MEGF6: variants seen among roughly 807,000 people sequenced by gnomAD.
MEGF6 encodes multiple epidermal growth factor-like domains protein 6.
A neutral mutation model predicts 207.1 loss-of-function variants in MEGF6; 184 were observed. That is an observed-to-expected ratio of 0.89 (90% CI 0.79 to 1.00). The LOEUF (loss-of-function observed/expected upper bound fraction) is 1.00, where lower values mean the gene tolerates loss of function less well. MEGF6 is among the 50% of genes least tolerant of loss of function. MEGF6 has a pLI of 0.00. For synonymous variants in MEGF6, 1,038 were observed against 910.0 expected, an observed-to-expected ratio of 1.14 and a Z score of -2.53; for missense variants, 2,282 against 2,202.9, an observed-to-expected ratio of 1.04 and a Z score of -0.72.
chr1:3,554,573 C>T (rs2101608752), intron 4 of MEGF6, among the ~76,000 whole-genome samples: 1 of 152,306 alleles, frequency 6.6e-6, no homozygotes, highest in African/African-American at 2.4e-5. Flanking sequence ...ACAACAGAAG[C>T]CTCTCTTAAA....
At chr1:3,551,005 C>T (rs577788390) in intron 4 of MEGF6, among the ~76,000 whole-genome samples, 4 of 152,202 alleles carry the variant, frequency 2.6e-5, no homozygotes, top group Non-Finnish European at 2.9e-5. Flanking sequence ...CTTGGGGCCT[C>T]GGAGTGTGAG....
Position 3,556,483 on chromosome 1 carries a change from C to T in MEGF6, c.481+23342G>A, listed in dbSNP as rs1419555339. On this transcript the variant is annotated intron_variant, in intron 4 of 36. Transcript: ENST00000356575. This position sits in a 1 kb window ranked among gnomAD's most constrained non-coding sequence, Gnocchi z 4.4. ...GGAGAAACCTCGGCAAAGCAAGAGA[C>T]GCCCTGGGCCTCCTCTCGGCCGCCC... 2.0e-5 allele frequency among the ~76,000 whole-genome samples: 3 copies of T among 152,178 alleles called. No homozygotes were observed. The highest frequency in any genetic ancestry group is 2.9e-5 in the Non-Finnish European group (2 of 68,046).
chr1:3,565,104 C>T lies in MEGF6; in HGVS notation c.481+14721G>A, dbSNP rs772532176. On this transcript the variant is annotated intron_variant, in intron 4 of 36. Transcript: ENST00000356575. This position sits in a 1 kb window ranked among gnomAD's most constrained non-coding sequence, Gnocchi z 4.8. ...TGGGTTCCAAGCACAGGGCCTGGCA[C>T]GCAGTGGGGTCCGGCGATGGACGCA... Among the ~76,000 whole-genome samples, 15 of 152,102 alleles carry T rather than the reference C, an allele frequency of 9.9e-5. No individual in the cohort carries two copies. The highest frequency in any genetic ancestry group is 3.4e-3 in the Middle Eastern group (1 of 294).
At chr1:3,603,471 C>T (rs1486664851) in intron 1 of MEGF6, among the ~76,000 whole-genome samples, 3 of 152,104 alleles carry the variant, frequency 2.0e-5, no homozygotes, top group African/African-American at 4.8e-5. Flanking sequence ...TGTCCCACTA[C>T]GTCAGGTGAC....
intron 4 of MEGF6, among the ~76,000 whole-genome samples, chr1:3,575,536 G>A (rs2101724456): frequency 6.6e-6 from 1 of 152,258 alleles, no homozygotes; most frequent in Non-Finnish European, 1.5e-5. Flanking sequence ...CCCTAGACTG[G>A]GCAATTTACA....
chr1:3,523,989 G>A (rs1254929977), intron 5 of MEGF6, 135 bp downstream of exon 5: 22 of 1,018,588 alleles, frequency 2.2e-5, no homozygotes, highest in Admixed American at 8.0e-5. Context: ...ATGCTCCGCA[G>A]GAAGGAGCCA....
rs1643028358 is a variant in MEGF6 at position 3,556,256 on chromosome 1, C to G, written c.481+23569G>C. Among the ~76,000 whole-genome samples, 1 of 152,234 alleles carries G rather than the reference C, an allele frequency of 6.6e-6. No individual in the cohort carries two copies. ...GTGGGGCAGGGTCCCCATACATAAC[C>G]TAGAGCTCTGTGTGAGGCCCGCAGG... On this transcript the variant is annotated intron_variant, in intron 4 of 36. Transcript: ENST00000356575. This position sits in a 1 kb window ranked among gnomAD's most constrained non-coding sequence, Gnocchi z 4.4.
chr1:3,550,748 G>A (rs931774530), intron 4 of MEGF6, among the ~76,000 whole-genome samples: 13 of 152,374 alleles, frequency 8.5e-5, no homozygotes, highest in Non-Finnish European at 1.5e-5. Context: ...GGGCTCCGAA[G>A]ACCCAGCCCT....
intron 28 of MEGF6, 100 bp from the exon 29 acceptor site, chr1:3,496,883 T>C (rs2100871465): frequency 6.6e-7 from 1 of 1,519,344 alleles, no homozygotes; most frequent in African/African-American, 1.4e-5. Flanking sequence ...ACACCCTCCA[T>C]CTTCCACCCC....
In MEGF6 at chr1:3,506,164, C is replaced by G. The variant is rs761295047; in HGVS notation, c.1862G>C (p.Arg621Pro). The G allele has an allele frequency of 6.9e-6, 11 of 1,594,956 alleles. No individual in the cohort carries two copies. Among genetic ancestry groups the G allele is most frequent in the African/African-American group, 1.3e-5 (1 of 74,734 alleles). ...GTCGCAGAGGCAGGCCCCGTAGAGG[C>G]GGTGGCACCGGCCCCGGTTGGCACA... is the stretch of plus-strand genomic sequence containing the variant. ...CNCANRGRCH[R>P]LYGACLCDPG... Residue 621 changes from arginine (R) to proline (P), a missense_variant, in exon 15 of 37, where the codon CGC (arginine) becomes CCC (proline). Transcript: ENST00000356575.
intron 4 of MEGF6, among the ~76,000 whole-genome samples, chr1:3,564,339 A>T (rs1643287778): frequency 6.6e-6 from 1 of 151,888 alleles, no homozygotes; most frequent in Non-Finnish European, 1.5e-5. Context: ...AACTGCCTGG[A>T]CAAACAGCTA....
chr1:3,587,116 T>C (rs895884379), intron 3 of MEGF6, among the ~76,000 whole-genome samples: 3 of 152,260 alleles, frequency 2.0e-5, no homozygotes, highest in African/African-American at 7.2e-5. Flanking sequence ...CACAGGGCAC[T>C]TTGCCAACAA....
At chr1:3,548,280 C>T (rs976352843) in intron 4 of MEGF6, among the ~76,000 whole-genome samples, 3 of 152,212 alleles carry the variant, frequency 2.0e-5, no homozygotes, top group East Asian at 3.9e-4. Flanking sequence ...TCCCCAGTGC[C>T]GGGGGCATTT....
At chr1:3,499,386 C>T (rs965851362) in intron 23 of MEGF6, 120 bp from the exon 24 acceptor site, 11 of 1,432,092 alleles carry the variant, frequency 7.7e-6, no homozygotes, top group Non-Finnish European at 9.3e-6. Flanking sequence ...CCAACTCTCC[C>T]CTCCCTCTGG....
intron 4 of MEGF6, among the ~76,000 whole-genome samples, chr1:3,569,420 T>G (rs998674501): frequency 8.5e-5 from 13 of 152,176 alleles, no homozygotes; most frequent in African/African-American, 3.1e-4. Flanking sequence ...ATCTGTGAAG[T>G]GGAACAGGCA....
chr1:3,623,933 G>A, the MEGF6 span, among the ~76,000 whole-genome samples: 2 of 152,124 alleles, frequency 1.3e-5, no homozygotes, highest in African/African-American at 4.8e-5. Context: ...AAACTTCCCT[G>A]GGGTCTCCCA....
rs1385695622 is a variant in MEGF6, at chr1:3,501,010, T to C, written c.2531A>G (p.His844Arg). 6.2e-6 allele frequency: 10 copies of C among 1,612,474 alleles called. No individual in the cohort carries two copies. Among genetic ancestry groups the C allele is most frequent in the Non-Finnish European group, 8.5e-6 (10 of 1,179,944 alleles). ...GGTCCACCCGGGGGCACAGCTGCAG[T>C]GTCCGGTGGCTGGGTGGCAGTGCCC... ...NDGHCHPATG[H>R]CSCAPGWTGF... The change falls in exon 20 of 37, where the codon CAC becomes CGC. Residue 844 changes from histidine (H) to arginine (R), a missense_variant. By Grantham distance (29) the His-to-Arg change is conservative. Coordinates refer to ENST00000356575, the MANE Select transcript of MEGF6 (RefSeq NM_001409.4).
chr1:3,603,755 C>T (rs554367080), intron 1 of MEGF6, among the ~76,000 whole-genome samples: 60 of 152,056 alleles, frequency 3.9e-4, no homozygotes, highest in African/African-American at 1.4e-3. Context: ...TTGCCAGGAG[C>T]TCCTAACCAG....
At chr1:3,602,747 G>A (rs1471567708) in intron 1 of MEGF6, 147 bp from the exon 2 acceptor site, 7 of 1,254,418 alleles carry the variant, frequency 5.6e-6, no homozygotes, top group African/African-American at 3.0e-5. Context: ...GCCCATGCCA[G>A]TGCCCCAGGC....
Sources: allele counts gnomAD v4.1 joint callset (sites outside exome capture counted in the v4.1 genomes callset), GRCh38; gene constraint gnomAD v4.1.1; non-coding constraint Gnocchi (gnomAD v3.1); transcripts MANE v1.5; gene names NCBI Gene and HGNC (gene_info 2026-07-23, HGNC 2026-07-21).